The following CCNT2 variants were observed in gnomAD, a reference collection of about 807,000 sequenced individuals.
CCNT2 encodes the protein cyclin T2, also known as cyclin-T2.
A neutral mutation model predicts 70.0 loss-of-function variants in CCNT2; 18 were observed. The observed-to-expected ratio is 0.26, with a 90% CI of 0.18 to 0.38. The LOEUF is 0.38. Ranked by LOEUF, CCNT2 falls within the 10% of genes least tolerant of loss-of-function variation. The pLI is 1.00. For synonymous variants in CCNT2, 334 were observed against 313.3 expected, an observed-to-expected ratio of 1.07 and a Z score of -0.70; for missense variants, 734 against 890.2, an observed-to-expected ratio of 0.82 and a Z score of 2.23.
At position 134,953,438 on chromosome 2, in the gene CCNT2, C is replaced by T; in HGVS notation, c.983C>T (p.Ser328Phe). The T allele has an allele frequency of 6.2e-7, 1 of 1,612,816 alleles. No homozygotes were observed. Among genetic ancestry groups the T allele is most frequent in the South Asian group, 1.1e-5 (1 of 90,912 alleles). ...GNISVQDSHT[S>F]DNLSMLATGM... ...ATTTCTGTTCAAGACAGCCATACAT[C>T]TGATAATTTGTCAATGCTAGCAACA... The change falls in exon 9 of 9, where the codon TCT (serine) becomes TTT (phenylalanine). Residue 328 changes from serine (S) to phenylalanine (F), a missense_variant. Physicochemically the swap from Ser to Phe is radical, Grantham distance 155. Transcript: ENST00000264157.
chr2:134,918,928 G>A lies in CCNT2; in HGVS notation c.74G>A (p.Arg25His), dbSNP rs746177381. 6.2e-7 allele frequency: 1 copy of A among 1,614,040 alleles called. No homozygotes were observed. Among genetic ancestry groups the A allele is most frequent in the African/African-American group, 1.3e-5 (1 of 75,070 alleles). ...CAGCTGGAGAACACGCCGAGCCGCC[G>A]CTGCGGAGTGGAGGCGGATAAAGAG... The part of the protein sequence containing the change: ...REQLENTPSR[R>H]CGVEADKELS... The change falls in exon 1 of 9, where the codon CGC becomes CAC. Residue 25 changes from arginine to histidine, a missense_variant. Coordinates refer to ENST00000264157, the MANE Select transcript of CCNT2 (RefSeq NM_058241.3).
At chr2:134,947,966 A>G (rs562111673) in intron 7 of CCNT2, 67 bp downstream of exon 7, 55 of 865,278 alleles carry the variant, frequency 6.4e-5, no homozygotes, top group Non-Finnish European at 9.3e-5. Context: ...AATTGACAAT[A>G]GAAAGTGTCA....
At chr2:134,929,934 A>G (rs1343488372) in intron 2 of CCNT2, among the ~76,000 whole-genome samples, 1 of 151,752 alleles carries the variant, frequency 6.6e-6, no homozygotes, top group Non-Finnish European at 1.5e-5. Flanking sequence ...TACAGGCATG[A>G]GCCACCCCGC....
rs747259982 is a variant in CCNT2, at chr2:134,954,434, C to CT, written c.1980dup (p.Val661CysfsTer3). On this transcript the variant is annotated frameshift_variant, in exon 9 of 9. Coordinates refer to ENST00000264157, the MANE Select transcript of CCNT2 (RefSeq NM_058241.3). LOFTEE classifies it high-confidence loss of function. Reference sequence around the variant, plus strand: ...AAGCAGTATATATCCTCTCACAACTCTGTTTTTAACCATCCCTTACCCCCT... The same window carrying CT: ...AAGCAGTATATATCCTCTCACAACTCTTGTTTTTAACCATCCCTTACCCCCT... 11 of 1,614,130 alleles carry CT rather than the reference C, an allele frequency of 6.8e-6. No homozygotes were observed. The highest frequency in any genetic ancestry group is 8.5e-6 in the Non-Finnish European group (10 of 1,179,962).
chr2:134,946,524 C>A, intron 6 of CCNT2: 1 of 471,110 alleles, frequency 2.1e-6, no homozygotes, highest in Non-Finnish European at 2.8e-6. Flanking sequence ...TTTAAAATTT[C>A]ACGTTGATCC....
chr2:134,954,546 T>C lies in CCNT2; in HGVS notation c.2091T>C (p.Pro697=). Residue 697 remains proline, a synonymous_variant, in exon 9 of 9, where the codon CCT becomes CCC. Coordinates refer to ENST00000264157, the MANE Select transcript of CCNT2 (RefSeq NM_058241.3). Reference sequence around the variant, plus strand: ...AGAAGCCAGTGGAGACCAACGGTCCTGATGCCAATCACGAGTACAGTACAA... The same window carrying C: ...AGAAGCCAGTGGAGACCAACGGTCCCGATGCCAATCACGAGTACAGTACAA... ...LDKKPVETNG[P]DANHEYSTSS... 6.2e-7 allele frequency: 1 copy of C among 1,614,114 alleles called. No homozygotes were observed. Among genetic ancestry groups the C allele is most frequent in the Non-Finnish European group, 8.5e-7 (1 of 1,179,954 alleles).
chr2:134,921,473 C>T (rs936618488), intron 2 of CCNT2, among the ~76,000 whole-genome samples: 4 of 152,176 alleles, frequency 2.6e-5, no homozygotes, highest in Non-Finnish European at 5.9e-5. Context: ...CCTGCCTCAG[C>T]CTCCTGAGTA....
chr2:134,936,961 A>T lies in CCNT2; in HGVS notation c.361A>T (p.Lys121Ter). 1 of 1,605,474 alleles carries T rather than the reference A, an allele frequency of 6.2e-7. No individual in the cohort carries two copies. The highest frequency in any genetic ancestry group is 8.5e-7 in the Non-Finnish European group (1 of 1,174,316). ...LHPLEPLLDT[K>*]CDAYLQQTQE... is the part of the protein sequence containing the mutation. ...TCCTCTAGAGCCACTGCTGGATACT[A>T]AATGTGATGTATGTAAATACTGGGT... Residue 121 changes from lysine to a stop codon, truncating the protein, a stop_gained, in exon 3 of 9, where the codon AAA becomes TAA. Coordinates refer to ENST00000264157, the MANE Select transcript of CCNT2 (RefSeq NM_058241.3). LOFTEE classifies it high-confidence loss of function.
chr2:134,922,419 ATTAATAT>A (rs752661343), intron 2 of CCNT2, among the ~76,000 whole-genome samples: 4 of 152,234 alleles, frequency 2.6e-5, no homozygotes, highest in South Asian at 2.1e-4. Context: ...GTGCTGCTGT[ATTAATAT>A]TTAAGAATAA....
Position 134,957,487 on chromosome 2 carries a change from A to G in CCNT2, c.*2839A>G, listed in dbSNP as rs1682995893. ...TTACACAGAAGCACATTGCAAAGAA[A>G]GGCTTTATTTCTACCTCTTCCATTC... On this transcript the variant is annotated 3_prime_UTR_variant, in exon 9 of 9. Transcript: ENST00000264157. 1 of 152,188 alleles carries G rather than the reference A, an allele frequency of 6.6e-6. No homozygotes were observed. Among genetic ancestry groups the G allele is most frequent in the South Asian group, 2.1e-4 (1 of 4,830 alleles). The allele number at this position is 152,188 out of a possible 1,614,324, so 9.4% of individuals were successfully genotyped here.
rs752760002 is a variant in CCNT2, at chr2:134,954,761, A to G, written c.*113A>G. ...CCCTGCTGTTGCTGCCACTGCTTCA[A>G]TATTTGTAAGTGCTGCTTTATTCTT... is the stretch of plus-strand genomic sequence containing the variant. On this transcript the variant is annotated 3_prime_UTR_variant, in exon 9 of 9. Transcript: ENST00000264157. 9 of 652,792 alleles carry G rather than the reference A, an allele frequency of 1.4e-5. No homozygotes were observed. Among genetic ancestry groups the G allele is most frequent in the Admixed American group, 5.3e-5 (2 of 37,688 alleles). The allele number at this position is 652,792 out of a possible 1,614,324, so 40.4% of individuals were successfully genotyped here.
At chr2:134,919,131 C>T in intron 1 of CCNT2, 119 bp downstream of exon 1, 6 of 1,174,364 alleles carry the variant, frequency 5.1e-6, no homozygotes, top group Non-Finnish European at 5.9e-6. Flanking sequence ...GCGCCGCGGT[C>T]AGGGAAGTAA....
intron 7 of CCNT2, among the ~76,000 whole-genome samples, chr2:134,949,803 G>GGT (rs1553525568): frequency 1.6e-5 from 1 of 63,702 alleles, no homozygotes; most frequent in Non-Finnish European, 3.0e-5. Flanking sequence ...TTTTTTTTTC[G>GGT]GGGGGGGGGT....
intron 5 of CCNT2, chr2:134,944,407 A>C: frequency 1.0e-6 from 1 of 966,906 alleles, no homozygotes; most frequent in Non-Finnish European, 1.2e-6. Flanking sequence ...AGGAAATTGG[A>C]TTTTCAGGTT....
At chr2:134,939,612 C>T (rs1295155887) in intron 4 of CCNT2, among the ~76,000 whole-genome samples, 1 of 152,050 alleles carries the variant, frequency 6.6e-6, no homozygotes, top group Non-Finnish European at 1.5e-5. Context: ...ACTACAGGTG[C>T]ATACTGCCAC....
chr2:134,952,850 A>G (rs1026466627), intron 8 of CCNT2, 139 bp downstream of exon 8: 6 of 639,758 alleles, frequency 9.4e-6, no homozygotes, highest in South Asian at 2.1e-5. Flanking sequence ...ACATATACTC[A>G]CATATTCAAC....
At chr2:134,938,905 T>C (rs1036796599) in intron 3 of CCNT2, 97 bp from the exon 4 acceptor site, 9 of 735,898 alleles carry the variant, frequency 1.2e-5, no homozygotes, top group African/African-American at 1.1e-4. Flanking sequence ...TGTGGTTCTT[T>C]TGTAATCAAC....
In CCNT2 at chr2:134,959,017, C is replaced by G. The variant is rs1044420368; in HGVS notation, c.*4369C>G. On this transcript the variant is annotated 3_prime_UTR_variant, in exon 9 of 9. Transcript: ENST00000264157. ...TGGGGCGGAAACTCAAAATCCCGAG[C>G]ATTGCCACTTTAGTAGTTTGTTTGA... 1.3e-5 allele frequency: 2 copies of G among 151,824 alleles called. No homozygotes were observed. Among genetic ancestry groups the G allele is most frequent in the African/African-American group, 4.8e-5 (2 of 41,376 alleles). 9.4% of individuals were successfully genotyped at this position (151,824 alleles called of 1,614,324 possible).
rs935533670 is a variant in CCNT2, at chr2:134,954,949, T to G, written c.*301T>G. 2 of 273,458 alleles carry G rather than the reference T, an allele frequency of 7.3e-6. No homozygotes were observed. Among genetic ancestry groups the G allele is most frequent in the Admixed American group, 4.7e-5 (1 of 21,382 alleles). 16.9% of individuals were successfully genotyped at this position (273,458 alleles called of 1,614,324 possible). A position where few individuals can be genotyped will look rare whatever the true frequency, so the allele number is the denominator to read the frequency against. On this transcript the variant is annotated 3_prime_UTR_variant, in exon 9 of 9. Transcript: ENST00000264157. Reference sequence around the variant, plus strand: ...GCTGCTTCTAGGAATATAAGATGCCTCAAGCATTCATTATTTATGATTTGA... The same window carrying G: ...GCTGCTTCTAGGAATATAAGATGCCGCAAGCATTCATTATTTATGATTTGA...
Sources: gnomAD v4.1 joint callset for allele counts (sites outside exome capture counted in the v4.1 genomes callset) on GRCh38, gnomAD v4.1.1 for gene constraint, MANE v1.5 for transcripts, NCBI Gene and HGNC (gene_info 2026-07-23, HGNC 2026-07-21) for gene names.